Variants in FMN2 observed in about 807,000 individuals in gnomAD.
FMN2 encodes the protein formin 2.
A neutral mutation model predicts 142.3 loss-of-function variants in FMN2; 51 were observed. The observed-to-expected ratio is 0.36, with a 90% CI of 0.29 to 0.45. FMN2 has a LOEUF of 0.45. Among genes scored for constraint, FMN2 ranks in the 20% least tolerant of loss-of-function variants. FMN2 has a pLI of 1.00. For synonymous variants in FMN2, 882 were observed against 869.8 expected (o/e 1.01, Z -0.25); for missense variants, 1,936 against 2,122.8 (o/e 0.91, Z 1.73).
intron 6 of FMN2, among the ~76,000 whole-genome samples, chr1:240,229,307 A>T (rs186759376): frequency 6.6e-5 from 10 of 152,270 alleles, no homozygotes; most frequent in Admixed American, 5.9e-4. Context: ...TGCACAAATT[A>T]AAATTAGCCC....
At chr1:240,151,081 T>A (rs1318460006) in intron 2 of FMN2, among the ~76,000 whole-genome samples, 1 of 152,218 alleles carries the variant, frequency 6.6e-6, no homozygotes, top group Non-Finnish European at 1.5e-5. Flanking sequence ...AAGTCCCAAT[T>A]GTTATGTTGA....
At chr1:240,391,834 A>G (rs1342271582) in intron 14 of FMN2, among the ~76,000 whole-genome samples, 1 of 152,154 alleles carries the variant, frequency 6.6e-6, no homozygotes, top group Admixed American at 6.6e-5. Context: ...TCAAAAAAAA[A>G]AAATGAAGTC....
intron 2 of FMN2, among the ~76,000 whole-genome samples, chr1:240,137,723 A>G (rs1050410851): frequency 2.6e-5 from 4 of 152,148 alleles, no homozygotes; most frequent in Non-Finnish European, 5.9e-5. Context: ...AAGAGTTTTC[A>G]GGTTTTGAGT....
At chr1:240,336,790 CTCT>C (rs1049622158) in intron 13 of FMN2, among the ~76,000 whole-genome samples, 17 of 152,130 alleles carry the variant, frequency 1.1e-4, no homozygotes, top group African/African-American at 3.6e-4. Flanking sequence ...TTATATATTA[CTCT>C]TCTTAAAAAA....
At chr1:240,170,168 A>T (rs1361381274) in intron 2 of FMN2, 1 of 944,740 alleles carries the variant, frequency 1.1e-6, no homozygotes, top group Non-Finnish European at 1.7e-6. Context: ...GAACCCGTGG[A>T]CATGGTGAAC....
intron 16 of FMN2, among the ~76,000 whole-genome samples, chr1:240,440,463 C>G (rs1339558570): frequency 6.6e-6 from 1 of 151,888 alleles, no homozygotes; most frequent in Non-Finnish European, 1.5e-5. Flanking sequence ...TTCCTTCACT[C>G]TCTAAGTATC....
rs1663067840 is a variant in FMN2 at position 240,138,967 on chromosome 1, A to C, written c.1782+15622A>C. On this transcript the variant is annotated intron_variant, in intron 2 of 17. Transcript: ENST00000319653. ...TAATATTGTTACTCCTACTAATCTC[A>C]AACTCCAAGAGTCAGAATCCCCCGA... Among the ~76,000 whole-genome samples, 3 of 152,204 alleles carry C rather than the reference A, an allele frequency of 2.0e-5. No individual in the cohort carries two copies. In the South Asian group the frequency reaches 6.2e-4, roughly 31 times the overall value.
chr1:240,143,419 A>T (rs1663281325), intron 2 of FMN2: 1 of 1,431,224 alleles, frequency 7.0e-7, no homozygotes, highest in South Asian at 1.1e-5. Flanking sequence ...GGCAATCCCC[A>T]GAACAGCCAC....
chr1:240,467,008 T>C (rs945652067), intron 16 of FMN2, among the ~76,000 whole-genome samples: 1 of 152,132 alleles, frequency 6.6e-6, no homozygotes, highest in South Asian at 2.1e-4. Context: ...AAGACAGAGA[T>C]TGTGAAAAGG....
rs574794383 is a variant in FMN2, at chr1:240,134,814, A to T, written c.1782+11469A>T. On this transcript the variant is annotated intron_variant, in intron 2 of 17. Coordinates refer to ENST00000319653, the MANE Select transcript of FMN2 (RefSeq NM_020066.5). ...CTCCTTTCTCAATCCATTTTACTTA[A>T]TTTTACTGCTATAATTACCACATTC... 2.9e-3 allele frequency among the ~76,000 whole-genome samples: 441 copies of T among 152,234 alleles called. 4 individuals carry two copies. The highest frequency in any genetic ancestry group is 0.01 in the African/African-American group (424 of 41,542).
intron 8 of FMN2, among the ~76,000 whole-genome samples, chr1:240,314,002 C>T (rs1200999232): frequency 1.3e-5 from 2 of 151,956 alleles, no homozygotes; most frequent in Admixed American, 6.6e-5. Flanking sequence ...ATGTTAACAT[C>T]CTGAAAAATA....
chr1:240,293,831 C>T (rs1669873225), intron 7 of FMN2, among the ~76,000 whole-genome samples: 1 of 152,118 alleles, frequency 6.6e-6, no homozygotes, highest in Non-Finnish European at 1.5e-5. Context: ...GTTTAGATTT[C>T]TTATCCATCC....
chr1:240,129,415 CAACTTT>C (rs1662645465), intron 2 of FMN2, among the ~76,000 whole-genome samples: 1 of 151,338 alleles, frequency 6.6e-6, no homozygotes, highest in Non-Finnish European at 1.5e-5. Context: ...TTTTTCAGAC[CAACTTT>C]AACAATTATT....
intron 4 of FMN2, among the ~76,000 whole-genome samples, chr1:240,198,985 G>A (rs61829161): frequency 0.043 from 6,586 of 152,116 alleles, 202 homozygotes; most frequent in Non-Finnish European, 0.067. Context: ...TGTGCCTGTA[G>A]TCCCAGCTAC....
intron 7 of FMN2, among the ~76,000 whole-genome samples, chr1:240,258,529 T>C (rs1668525557): frequency 6.6e-6 from 1 of 152,186 alleles, no homozygotes; most frequent in African/African-American, 2.4e-5. Flanking sequence ...CCTTGTGACC[T>C]AATGACCACG....
intron 6 of FMN2, among the ~76,000 whole-genome samples, chr1:240,236,192 C>T (rs1188783166): frequency 6.6e-6 from 1 of 152,090 alleles, no homozygotes; most frequent in East Asian, 1.9e-4. Context: ...TCTTTGCACT[C>T]ATTCAGTTCT....
intron 3 of FMN2, among the ~76,000 whole-genome samples, chr1:240,183,387 A>G (rs1229463287): frequency 6.7e-6 from 1 of 148,940 alleles, no homozygotes; most frequent in African/African-American, 2.4e-5. Flanking sequence ...AAATAATTAC[A>G]TATTTTCAAC....
At position 240,143,537 on chromosome 1, in the gene FMN2, A is replaced by G. The variant is rs1423861275; in HGVS notation, c.1782+20192A>G. ...TCTTTGGAGTCAAAGTGTTCGCTGC[A>G]AACGTGGAGCAGCTGCTGCACCTTC... On this transcript the variant is annotated intron_variant, in intron 2 of 17. Transcript: ENST00000319653. 9 of 1,595,678 alleles carry G rather than the reference A, an allele frequency of 5.6e-6. No homozygotes were observed. The Admixed American group carries it at 6.7e-5, about 12-fold the overall frequency.
At chr1:240,124,363 A>G (rs1365352958) in intron 2 of FMN2, among the ~76,000 whole-genome samples, 1 of 152,166 alleles carries the variant, frequency 6.6e-6, no homozygotes, top group African/African-American at 2.4e-5. Flanking sequence ...TGTGTGAAGT[A>G]CGGACGTGAA....
Sources: gnomAD v4.1 joint callset for allele counts (sites outside exome capture counted in the v4.1 genomes callset) on GRCh38, gnomAD v4.1.1 for gene constraint, MANE v1.5 for transcripts, NCBI Gene and HGNC (gene_info 2026-07-23, HGNC 2026-07-21) for gene names.